The following EDIL3 variants were observed in gnomAD, a reference collection of about 807,000 sequenced individuals.
The protein encoded by EDIL3 is EGF-like repeat and discoidin I-like domain-containing protein 3.
Under a neutral mutation model 67.4 loss-of-function variants are expected in EDIL3, and 37 were observed. That is an observed-to-expected ratio of 0.55 (90% CI 0.42 to 0.72). The LOEUF is 0.72. EDIL3 is among the 30% of genes least tolerant of loss of function. The pLI is 0.00. For missense variants in EDIL3, 527 were observed against 586.3 expected (o/e 0.90, Z 1.04); for synonymous variants, 195 against 196.3 (o/e 0.99, Z 0.05).
intron 4 of EDIL3, among the ~76,000 whole-genome samples, chr5:84,151,019 C>A (rs1339952208): frequency 6.6e-6 from 1 of 151,856 alleles, no homozygotes; most frequent in Non-Finnish European, 1.5e-5. Flanking sequence ...GTTGAAGGGG[C>A]AGGAAGGAGG....
At chr5:84,333,237 C>T (rs533502974) in intron 1 of EDIL3, among the ~76,000 whole-genome samples, 5 of 151,906 alleles carry the variant, frequency 3.3e-5, no homozygotes, top group Admixed American at 6.6e-5. Context: ...TATGAACATA[C>T]GAATTTCACT....
intron 5 of EDIL3, among the ~76,000 whole-genome samples, chr5:84,134,404 CAA>C (rs1172694481): frequency 6.6e-6 from 1 of 152,084 alleles, no homozygotes; most frequent in Non-Finnish European, 1.5e-5. Context: ...ATGCATGATA[CAA>C]AGTCCAGAAG....
intron 1 of EDIL3, among the ~76,000 whole-genome samples, chr5:84,305,231 CTT>C (rs575616275): frequency 6.6e-6 from 1 of 152,150 alleles, no homozygotes. Flanking sequence ...GCTATTAACA[CTT>C]TTTTTAATTC....
At chr5:84,025,990 T>C (rs990737763) in intron 9 of EDIL3, among the ~76,000 whole-genome samples, 6 of 152,092 alleles carry the variant, frequency 3.9e-5, no homozygotes, top group Non-Finnish European at 5.9e-5. Flanking sequence ...TGAAAAAATA[T>C]GACATAAATT....
At chr5:84,066,332 G>C (rs1171237556) in intron 7 of EDIL3, 119 bp downstream of exon 7, 26 of 1,124,562 alleles carry the variant, frequency 2.3e-5, no homozygotes, top group Non-Finnish European at 3.1e-5. Flanking sequence ...TTAAAAACAA[G>C]ACGCATTGGT....
intron 2 of EDIL3, among the ~76,000 whole-genome samples, chr5:84,242,575 A>G (rs929147086): frequency 4.6e-5 from 7 of 152,008 alleles, no homozygotes; most frequent in African/African-American, 1.2e-4. Context: ...AGGTGGGCGG[A>G]TTGCTTGAGC....
At chr5:84,016,462 A>T (rs1319432356) in intron 9 of EDIL3, among the ~76,000 whole-genome samples, 2 of 152,134 alleles carry the variant, frequency 1.3e-5, no homozygotes, top group African/African-American at 4.8e-5. Flanking sequence ...GCTGTAATTC[A>T]TCTAGTTTTC....
chr5:84,151,839 T>G (rs187998799), intron 4 of EDIL3, among the ~76,000 whole-genome samples: 1 of 152,246 alleles, frequency 6.6e-6, no homozygotes, highest in East Asian at 1.9e-4. Context: ...CTATGATCTA[T>G]TCAAGAGATT....
chr5:84,365,836 C>T (rs1371205648), intron 1 of EDIL3, among the ~76,000 whole-genome samples: 1 of 152,094 alleles, frequency 6.6e-6, no homozygotes, highest in Non-Finnish European at 1.5e-5. Flanking sequence ...TATTGAGGAC[C>T]TGTATTGTGC....
At chr5:84,298,936 T>A (rs1746101438) in intron 1 of EDIL3, among the ~76,000 whole-genome samples, 1 of 152,092 alleles carries the variant, frequency 6.6e-6, no homozygotes, top group Admixed American at 6.6e-5. Context: ...CTCTACTACA[T>A]CCTCTCTAGG....
At chr5:84,064,590 AG>A (rs1746600315) in intron 8 of EDIL3, 109 bp downstream of exon 8, 1 of 1,384,864 alleles carries the variant, frequency 7.2e-7, no homozygotes. Context: ...ATTTTTCCCC[AG>A]AAAAAAATTT....
intron 2 of EDIL3, among the ~76,000 whole-genome samples, chr5:84,237,016 T>C (rs1744695344): frequency 6.6e-6 from 1 of 152,072 alleles, no homozygotes. Flanking sequence ...TTAATGTCAC[T>C]AGAGAAGCCA....
At chr5:84,296,747 A>C (rs1038588348) in intron 1 of EDIL3, among the ~76,000 whole-genome samples, 1 of 152,184 alleles carries the variant, frequency 6.6e-6, no homozygotes, top group African/African-American at 2.4e-5. Flanking sequence ...CTATGTCCTG[A>C]ATGGTATTGC....
chr5:83,975,659 T>C (rs953165159), intron 9 of EDIL3, among the ~76,000 whole-genome samples: 39 of 151,870 alleles, frequency 2.6e-4, no homozygotes, highest in African/African-American at 8.2e-4. Context: ...CAACAGGAAA[T>C]AGATGTATAA....
At chr5:84,051,459 G>A (rs1421302809) in intron 9 of EDIL3, among the ~76,000 whole-genome samples, 1 of 152,208 alleles carries the variant, frequency 6.6e-6, no homozygotes, top group Non-Finnish European at 1.5e-5. Flanking sequence ...GCTGGACAGA[G>A]AACGACTTTG....
At chr5:84,205,526 T>C (rs921988456) in intron 3 of EDIL3, among the ~76,000 whole-genome samples, 15 of 152,242 alleles carry the variant, frequency 9.9e-5, no homozygotes, top group African/African-American at 3.6e-4. Flanking sequence ...TCTTTTGCTG[T>C]GAATCCATCT....
chr5:84,384,513 T>C lies in EDIL3; in HGVS notation c.-139A>G, dbSNP rs1748182588. 1.3e-6 allele frequency: 1 copy of C among 767,128 alleles called. No homozygotes were observed. Among genetic ancestry groups the C allele is most frequent in the Non-Finnish European group, 2.1e-6 (1 of 479,712 alleles). The allele number at this position is 767,128 out of a possible 1,614,324, so 47.5% of individuals were successfully genotyped here. On this transcript the variant is annotated 5_prime_UTR_variant, in exon 1 of 11. Transcript: ENST00000296591. Reference sequence around the variant, plus strand: ...AAGACGTTCTCTTTCCTCAGCGCTTTGTTAAACAAATTCTTGGAGAGGGCG... The same window carrying C: ...AAGACGTTCTCTTTCCTCAGCGCTTCGTTAAACAAATTCTTGGAGAGGGCG...
chr5:84,170,449 T>A (rs1354323869), intron 4 of EDIL3, among the ~76,000 whole-genome samples: 2 of 152,212 alleles, frequency 1.3e-5, no homozygotes, highest in Admixed American at 6.5e-5. Context: ...AACGGAGTAG[T>A]CTTCCCTTAT....
intron 1 of EDIL3, among the ~76,000 whole-genome samples, chr5:84,346,336 C>T (rs2112183435): frequency 6.6e-6 from 1 of 152,028 alleles, no homozygotes; most frequent in South Asian, 2.1e-4. Context: ...TATTACTCCT[C>T]TGCCATCATA....
Sources: gnomAD v4.1 joint callset for allele counts (sites outside exome capture counted in the v4.1 genomes callset) on GRCh38, gnomAD v4.1.1 for gene constraint, MANE v1.5 for transcripts, NCBI Gene and HGNC (gene_info 2026-07-23, HGNC 2026-07-21) for gene names.